Variants in SKI observed in about 807,000 individuals in gnomAD.
The protein encoded by SKI is SKI proto-oncogene.
Under a neutral mutation model 59.3 loss-of-function variants are expected in SKI, and 23 were observed. The observed-to-expected ratio is 0.39, with a 90% CI of 0.28 to 0.55. SKI has a LOEUF of 0.55. SKI is among the 20% of genes least tolerant of loss of function. The probability of loss-of-function intolerance (pLI) is 0.67; values close to 1 mark genes in which losing one functional copy is unlikely to be tolerated. For missense variants in SKI, 1,017 were observed against 1,038.9 expected, an observed-to-expected ratio of 0.98 and a Z score of 0.29; for synonymous variants, 673 against 488.6, an observed-to-expected ratio of 1.38 and a Z score of -4.98.
rs1200590163 is a variant in SKI at position 2,270,797 on chromosome 1, C to T, written c.970-32181C>T. On this transcript the variant is annotated intron_variant, in intron 1 of 6. Coordinates refer to ENST00000378536, the MANE Select transcript of SKI (RefSeq NM_003036.4). The surrounding 1 kb of genome is among the most constrained non-coding windows in gnomAD (Gnocchi z 4.1). ...GCAGGGCTGTTTGGCTGTTGGACAT[C>T]CTTGCTGTCCCTTTGCTGGACTCTC... 6.6e-6 allele frequency among the ~76,000 whole-genome samples: 1 copy of T among 152,206 alleles called. No homozygotes were observed. The highest frequency in any genetic ancestry group is 2.4e-5 in the African/African-American group (1 of 41,456).
At chr1:2,285,675 T>A (rs1397627139) in intron 1 of SKI, among the ~76,000 whole-genome samples, 7 of 148,618 alleles carry the variant, frequency 4.7e-5, no homozygotes, top group Non-Finnish European at 5.9e-5. Context: ...GGCAGTTCTC[T>A]GCCTCAGCCT....
intron 1 of SKI, among the ~76,000 whole-genome samples, chr1:2,271,844 C>CCAGAGGTTGACAT (rs1553195777): frequency 1.3e-5 from 2 of 152,214 alleles, no homozygotes; most frequent in Non-Finnish European, 2.9e-5. Flanking sequence ...TGCGATGGCC[C>CCAGAGGTTGACAT]CAGAGGTTGA....
intron 1 of SKI, among the ~76,000 whole-genome samples, chr1:2,271,409 C>T (rs992538929): frequency 6.6e-5 from 10 of 151,826 alleles, no homozygotes; most frequent in East Asian, 1.9e-4. Context: ...AGCCGCGTGG[C>T]GCCTGGGCTG....
chr1:2,262,925 G>C (rs1305107963), intron 1 of SKI, among the ~76,000 whole-genome samples: 1 of 151,968 alleles, frequency 6.6e-6, no homozygotes, highest in Non-Finnish European at 1.5e-5. Flanking sequence ...TTTTGAGACC[G>C]AGTCTTGCTC....
intron 1 of SKI, among the ~76,000 whole-genome samples, chr1:2,282,516 A>T (rs1271150936): frequency 7.5e-6 from 1 of 133,896 alleles, no homozygotes; most frequent in Non-Finnish European, 1.7e-5. Context: ...GCCTGAGAAG[A>T]CAGGCAGTGG....
intron 1 of SKI, among the ~76,000 whole-genome samples, chr1:2,248,292 T>A (rs1392433782): frequency 6.6e-6 from 1 of 152,166 alleles, no homozygotes; most frequent in Admixed American, 6.5e-5. Context: ...TGGCAGCCAT[T>A]TCCGTTACTT....
chr1:2,291,526 G>A (rs1285112792), intron 1 of SKI, among the ~76,000 whole-genome samples: 2 of 152,248 alleles, frequency 1.3e-5, no homozygotes, highest in Non-Finnish European at 2.9e-5. Context: ...GAGGTCCCAG[G>A]AGAACCCCAG....
intron 1 of SKI, among the ~76,000 whole-genome samples, chr1:2,283,860 C>T (rs549016968): frequency 9.6e-4 from 146 of 152,320 alleles, no homozygotes; most frequent in Non-Finnish European, 1.6e-3. Context: ...TCTGCTGGGG[C>T]TGGAGGAGGC....
intron 1 of SKI, among the ~76,000 whole-genome samples, chr1:2,294,974 C>A (rs1257716997): frequency 6.6e-6 from 1 of 152,216 alleles, no homozygotes; most frequent in Non-Finnish European, 1.5e-5. Flanking sequence ...TGTGGGATGC[C>A]CCTGGTGACA....
chr1:2,261,472 T>C (rs1639384674), intron 1 of SKI, among the ~76,000 whole-genome samples: 1 of 152,284 alleles, frequency 6.6e-6, no homozygotes, highest in African/African-American at 2.4e-5. Flanking sequence ...GTTTTTACCA[T>C]CTTTTGTCAG....
chr1:2,238,574 C>G (rs1291574136), intron 1 of SKI, among the ~76,000 whole-genome samples: 1 of 152,226 alleles, frequency 6.6e-6, no homozygotes, highest in Non-Finnish European at 1.5e-5. Flanking sequence ...TGAGGGGACT[C>G]TTGCCTGCCT....
chr1:2,266,034 C>T (rs1382968177), intron 1 of SKI, among the ~76,000 whole-genome samples: 1 of 152,134 alleles, frequency 6.6e-6, no homozygotes, highest in Non-Finnish European at 1.5e-5. Flanking sequence ...TATTTGGAGG[C>T]AGCTTGATCC....
intron 1 of SKI, among the ~76,000 whole-genome samples, chr1:2,241,617 T>C: frequency 6.6e-6 from 1 of 152,206 alleles, no homozygotes; most frequent in East Asian, 1.9e-4. Context: ...ATGGTCTCGA[T>C]CTCCTGACCT....
At chr1:2,245,613 C>G (rs1338267910) in intron 1 of SKI, among the ~76,000 whole-genome samples, 1 of 151,796 alleles carries the variant, frequency 6.6e-6, no homozygotes, top group Admixed American at 6.6e-5. Context: ...GTAGCTGGGA[C>G]TAAAGGCATG....
intron 1 of SKI, among the ~76,000 whole-genome samples, chr1:2,291,108 C>T (rs997479202): frequency 1.3e-5 from 2 of 152,218 alleles, no homozygotes; most frequent in Non-Finnish European, 2.9e-5. Context: ...CGAGGGGACC[C>T]AGACGAGCTG....
At chr1:2,247,676 A>G (rs1405755900) in intron 1 of SKI, among the ~76,000 whole-genome samples, 1 of 152,152 alleles carries the variant, frequency 6.6e-6, no homozygotes, top group East Asian at 1.9e-4. Flanking sequence ...TTCTGGGACA[A>G]TCTGCTGGCT....
chr1:2,229,261 C>T lies in SKI; in HGVS notation c.495C>T (p.Gly165=), dbSNP rs749438586. The T allele has an allele frequency of 1.3e-5, 21 of 1,600,468 alleles. No homozygotes were observed. The South Asian group carries it at 1.9e-4, about 14-fold the overall frequency. Residue 165 remains glycine (G), a synonymous_variant, in exon 1 of 7, where the codon GGC becomes GGT. Coordinates refer to ENST00000378536, the MANE Select transcript of SKI (RefSeq NM_003036.4). The surrounding 1 kb of genome is among the most constrained non-coding windows in gnomAD (Gnocchi z 6.3). Reference sequence around the variant, plus strand: ...AGCTGGAGATCCTCAAAGTCATGGGCATCCTGCCCTTCTCGGCGCCCTCGT... The same window carrying T: ...AGCTGGAGATCCTCAAAGTCATGGGTATCCTGCCCTTCTCGGCGCCCTCGT... ...ADQLEILKVM[G]ILPFSAPSCG...
intron 1 of SKI, among the ~76,000 whole-genome samples, chr1:2,277,968 C>G (rs1409433234): frequency 1.3e-5 from 2 of 152,080 alleles, no homozygotes; most frequent in East Asian, 3.9e-4. Context: ...CGTGCACGCA[C>G]ACATCAGCAC....
intron 1 of SKI, among the ~76,000 whole-genome samples, chr1:2,301,780 C>T (rs976135106): frequency 7.2e-5 from 11 of 152,248 alleles, no homozygotes; most frequent in Admixed American, 6.5e-4. Context: ...CCCCACCGCC[C>T]GACTTTGCTG....
Sources: allele counts gnomAD v4.1 joint callset (sites outside exome capture counted in the v4.1 genomes callset), GRCh38; gene constraint gnomAD v4.1.1; non-coding constraint Gnocchi (gnomAD v3.1); transcripts MANE v1.5; gene names NCBI Gene and HGNC (gene_info 2026-07-23, HGNC 2026-07-21).